Variants in TTLL13 observed in about 807,000 individuals in gnomAD.
TTLL13 encodes the protein tubulin tyrosine ligase like 13.
chr15:90,265,243 T>C, the TTLL13 span: 1 of 1,308,932 alleles, frequency 7.6e-7, no homozygotes, highest in Non-Finnish European at 9.7e-7. Flanking sequence ...TATCGCTAGG[T>C]GATGGGTCTG....
chr15:90,255,031 A>G, the TTLL13 span, among the ~76,000 whole-genome samples: 64 of 152,336 alleles, frequency 4.2e-4, no homozygotes, highest in African/African-American at 1.4e-3. Context: ...AAGTTCATAC[A>G]GTGAGTGCGG....
chr15:90,263,831 AG>A, the TTLL13 span: 1 of 741,162 alleles, frequency 1.3e-6, no homozygotes, highest in East Asian at 2.7e-5. Context: ...GCCACAGAGC[AG>A]GGCGCTCCTC....
At chr15:90,250,065 C>G in the TTLL13 span, among the ~76,000 whole-genome samples, 15 of 151,702 alleles carry the variant, frequency 9.9e-5, no homozygotes, top group African/African-American at 3.6e-4. Context: ...TCAAGTGATT[C>G]TCCTCCCTCA....
the TTLL13 span, chr15:90,253,235 C>T: frequency 6.8e-6 from 11 of 1,607,198 alleles, no homozygotes; most frequent in Admixed American, 1.7e-5. Flanking sequence ...CTACTGATCT[C>T]CCTGTCTCTG....
chr15:90,255,944 G>C, the TTLL13 span: 4 of 1,611,864 alleles, frequency 2.5e-6, no homozygotes, highest in Admixed American at 6.7e-5. Context: ...GTCGCTCTCA[G>C]AGCTCTGGTC....
At chr15:90,250,678 T>G in the TTLL13 span, 2 of 1,613,944 alleles carry the variant, frequency 1.2e-6, no homozygotes, top group African/African-American at 2.7e-5. Flanking sequence ...AAGACTATGT[T>G]GAGGAAAAGG....
At chr15:90,265,324 G>C in the TTLL13 span, 2 of 1,219,796 alleles carry the variant, frequency 1.6e-6, no homozygotes. Context: ...GAAGCCGAGT[G>C]CCCAAGGCAC....
chr15:90,257,670 A>G, the TTLL13 span: 1 of 1,614,174 alleles, frequency 6.2e-7, no homozygotes, highest in Middle Eastern at 1.7e-4. Flanking sequence ...CAACTATGCT[A>G]TCAACAAACA....
At chr15:90,262,549 G>A in the TTLL13 span, 4 of 1,532,926 alleles carry the variant, frequency 2.6e-6, no homozygotes, top group African/African-American at 1.4e-5. Flanking sequence ...CGGGCACTAA[G>A]AGGCAAAAGG....
the TTLL13 span, chr15:90,264,714 C>T: frequency 6.5e-7 from 1 of 1,535,644 alleles, no homozygotes; most frequent in East Asian, 2.4e-5. Context: ...CATGTTTCCA[C>T]TGCAGAAGGA....
the TTLL13 span, among the ~76,000 whole-genome samples, chr15:90,260,894 G>A: frequency 6.6e-6 from 1 of 150,466 alleles, no homozygotes; most frequent in African/African-American, 2.4e-5. Context: ...AGGAAGGAAG[G>A]AAGGACACAC....
chr15:90,251,648 T>G, the TTLL13 span: 13 of 1,589,410 alleles, frequency 8.2e-6, no homozygotes, highest in Admixed American at 1.8e-4. Context: ...TGCCTACAGC[T>G]GCTGTTCTTC....
chr15:90,257,773 T>A, the TTLL13 span: 17 of 1,569,912 alleles, frequency 1.1e-5, no homozygotes, highest in African/African-American at 2.0e-4. Flanking sequence ...AGCCCCACAG[T>A]CCCAGTAGCC....
chr15:90,254,716 G>T, the TTLL13 span, among the ~76,000 whole-genome samples: 1 of 151,716 alleles, frequency 6.6e-6, no homozygotes, highest in African/African-American at 2.4e-5. Context: ...GCGTAGTGGT[G>T]CATGCTTTAG....
the TTLL13 span, chr15:90,257,227 G>C: frequency 1.2e-6 from 2 of 1,614,078 alleles, no homozygotes; most frequent in Non-Finnish European, 1.7e-6. Context: ...CATATGAGGA[G>C]GGCCTAGCCC....
the TTLL13 span, chr15:90,263,810 T>C: frequency 1.4e-6 from 1 of 714,200 alleles, no homozygotes; most frequent in Non-Finnish European, 2.5e-6. Context: ...CTGGTGCTCC[T>C]AAGAGGGGCT....
chr15:90,250,747 T>C, the TTLL13 span: 1 of 1,614,068 alleles, frequency 6.2e-7, no homozygotes, highest in East Asian at 2.2e-5. Context: ...CACAGCAGGC[T>C]CTCTTAAAAG....
At chr15:90,256,551 TTCTTTCTTTC>T in the TTLL13 span, among the ~76,000 whole-genome samples, 10 of 25,212 alleles carry the variant, frequency 4.0e-4, no homozygotes, top group East Asian at 1.7e-3. Flanking sequence ...TCCTTTTTCT[TTCTTTCTTTC>T]TTTCTTTCTT....
the TTLL13 span, chr15:90,258,759 G>A: frequency 6.6e-5 from 107 of 1,614,172 alleles, no homozygotes; most frequent in South Asian, 1.2e-3. Flanking sequence ...CACTCTCCAA[G>A]CTTTACCACG....
Sources: gnomAD v4.1 joint callset for allele counts (sites outside exome capture counted in the v4.1 genomes callset) on GRCh38, gnomAD v4.1.1 for gene constraint, MANE v1.5 for transcripts, NCBI Gene and HGNC (gene_info 2026-07-23, HGNC 2026-07-21) for gene names.